GULP1: variants seen among roughly 807,000 people sequenced by gnomAD.
GULP1 encodes GULP PTB domain containing engulfment adaptor 1.
A neutral mutation model predicts 40.9 loss-of-function variants in GULP1; 19 were observed. The ratio of observed to expected loss-of-function variants is 0.46; its 90% confidence interval spans 0.32 to 0.68. GULP1 has a LOEUF of 0.68. GULP1 is among the 30% of genes least tolerant of loss of function. The pLI, the probability that GULP1 is intolerant of heterozygous loss-of-function variation, is 0.03. For synonymous variants in GULP1, 119 were observed against 117.6 expected, an observed-to-expected ratio of 1.01 and a Z score of -0.08; for missense variants, 312 against 362.2, an observed-to-expected ratio of 0.86 and a Z score of 1.12.
intron 2 of GULP1, among the ~76,000 whole-genome samples, chr2:188,468,231 C>T (rs561031601): frequency 6.6e-6 from 1 of 152,096 alleles, no homozygotes; most frequent in Non-Finnish European, 1.5e-5. Context: ...TGAAATTATT[C>T]ATTGTTTTTA....
chr2:188,319,889 T>A (rs2039712023), intron 1 of GULP1, among the ~76,000 whole-genome samples: 1 of 152,132 alleles, frequency 6.6e-6, no homozygotes, highest in Non-Finnish European at 1.5e-5. Flanking sequence ...GCTTAATATC[T>A]TGGAGTATGT....
At chr2:188,540,024 CT>C in intron 6 of GULP1, among the ~76,000 whole-genome samples, 1 of 152,080 alleles carries the variant, frequency 6.6e-6, no homozygotes, top group East Asian at 1.9e-4. Context: ...TAAAATAAAG[CT>C]TTTTTGGGGG....
chr2:188,311,548 C>G (rs1574313251), intron 1 of GULP1, among the ~76,000 whole-genome samples: 2 of 151,950 alleles, frequency 1.3e-5, no homozygotes, highest in Non-Finnish European at 1.5e-5. Flanking sequence ...GATTCTGACA[C>G]CATTTTGAAT....
At chr2:188,352,289 G>A (rs1428226350) in intron 1 of GULP1, among the ~76,000 whole-genome samples, 1 of 152,110 alleles carries the variant, frequency 6.6e-6, no homozygotes, top group Non-Finnish European at 1.5e-5. Flanking sequence ...ATAACAAAAA[G>A]GTTGAGTGAG....
chr2:188,484,245 T>A (rs1250803495), intron 4 of GULP1, among the ~76,000 whole-genome samples: 1 of 152,196 alleles, frequency 6.6e-6, no homozygotes, highest in Admixed American at 6.6e-5. Context: ...AGGTGCCTTT[T>A]AAAAATTCTT....
At chr2:188,592,535 C>G (rs533555984) in intron 11 of GULP1, 48 of 151,990 alleles carry the variant, frequency 3.2e-4, no homozygotes, top group African/African-American at 1.1e-3. Flanking sequence ...ATTTACTCAA[C>G]TAAATAAAGA....
chr2:188,581,945 A>G (rs1375194769), intron 9 of GULP1, among the ~76,000 whole-genome samples: 1 of 152,146 alleles, frequency 6.6e-6, no homozygotes, highest in African/African-American at 2.4e-5. Flanking sequence ...CTTTATGTAC[A>G]AGAGTTTACT....
intron 5 of GULP1, among the ~76,000 whole-genome samples, chr2:188,527,188 T>C (rs1449825916): frequency 2.0e-5 from 3 of 152,114 alleles, no homozygotes. Flanking sequence ...ATAGTGGTTG[T>C]TTTGTTGTAG....
chr2:188,513,296 T>A (rs1298270222), intron 4 of GULP1, among the ~76,000 whole-genome samples: 1 of 152,182 alleles, frequency 6.6e-6, no homozygotes, highest in Non-Finnish European at 1.5e-5. Flanking sequence ...TTACCTTTTA[T>A]AATCTAATAT....
At chr2:188,565,357 A>T (rs925038075) in intron 7 of GULP1, among the ~76,000 whole-genome samples, 7 of 151,956 alleles carry the variant, frequency 4.6e-5, no homozygotes, top group Non-Finnish European at 7.4e-5. Context: ...AAGACAAAAC[A>T]CCTAATAAAA....
intron 2 of GULP1, among the ~76,000 whole-genome samples, chr2:188,433,536 T>C (rs1490958372): frequency 6.6e-6 from 1 of 152,118 alleles, no homozygotes; most frequent in Non-Finnish European, 1.5e-5. Context: ...ACCAAAGGAC[T>C]GTCAACCAAG....
intron 4 of GULP1, among the ~76,000 whole-genome samples, chr2:188,488,001 C>A (rs2062009623): frequency 1.3e-5 from 2 of 151,954 alleles, no homozygotes; most frequent in Non-Finnish European, 1.5e-5. Context: ...TTCATCCCCT[C>A]CACACACAAA....
chr2:188,551,501 A>G (rs1304045289), intron 7 of GULP1, among the ~76,000 whole-genome samples: 1 of 151,736 alleles, frequency 6.6e-6, no homozygotes, highest in African/African-American at 2.4e-5. Flanking sequence ...ATGATATGAT[A>G]TCATTACTTT....
chr2:188,558,057 G>GTC (rs1440249443), intron 7 of GULP1, among the ~76,000 whole-genome samples: 3 of 152,158 alleles, frequency 2.0e-5, no homozygotes, highest in Non-Finnish European at 2.9e-5. Context: ...TTCCCCCATT[G>GTC]TCTTGGCTGT....
intron 1 of GULP1, among the ~76,000 whole-genome samples, chr2:188,379,481 T>G (rs2152487723): frequency 6.6e-6 from 1 of 152,336 alleles, no homozygotes; most frequent in Admixed American, 6.5e-5. Flanking sequence ...ATATGAATGC[T>G]TTGAGTCTAT....
intron 1 of GULP1, among the ~76,000 whole-genome samples, chr2:188,334,686 A>G (rs2042038182): frequency 6.6e-6 from 1 of 152,230 alleles, no homozygotes. Flanking sequence ...GACTATATCA[A>G]AATCCAAATT....
chr2:188,354,400 A>G (rs965997719), intron 1 of GULP1, among the ~76,000 whole-genome samples: 9 of 152,180 alleles, frequency 5.9e-5, no homozygotes, highest in Admixed American at 5.2e-4. Flanking sequence ...ACAGAGTCTC[A>G]GCTACAACCA....
At chr2:188,495,483 C>T (rs1421029128) in intron 4 of GULP1, among the ~76,000 whole-genome samples, 1 of 152,052 alleles carries the variant, frequency 6.6e-6, no homozygotes, top group African/African-American at 2.4e-5. Context: ...AATATAACAA[C>T]AAACTCACTT....
At chr2:188,312,869 G>A (rs902861642) in intron 1 of GULP1, among the ~76,000 whole-genome samples, 3 of 152,128 alleles carry the variant, frequency 2.0e-5, no homozygotes, top group Non-Finnish European at 4.4e-5. Flanking sequence ...CTGATGGTCG[G>A]TGATGTTGAG....
Sources: allele counts gnomAD v4.1 joint callset (sites outside exome capture counted in the v4.1 genomes callset), GRCh38; gene constraint gnomAD v4.1.1; transcripts MANE v1.5; gene names NCBI Gene and HGNC (gene_info 2026-07-23, HGNC 2026-07-21).